The following ANLN variants were observed in gnomAD, a reference collection of about 807,000 sequenced individuals.
The protein encoded by ANLN is anillin, actin binding protein.
Under a neutral mutation model 135.1 loss-of-function variants are expected in ANLN, and 59 were observed. The ratio of observed to expected loss-of-function variants is 0.44; its 90% confidence interval spans 0.35 to 0.54. ANLN has a LOEUF of 0.54. ANLN is among the 20% of genes least tolerant of loss of function. The probability of loss-of-function intolerance (pLI) is 0.00; values close to 1 mark genes in which losing one functional copy is unlikely to be tolerated. For missense variants in ANLN, 1,182 were observed against 1,340.0 expected (o/e 0.88, Z 1.84); for synonymous variants, 406 against 456.4 (o/e 0.89, Z 1.41).
chr7:36,435,708 C>T (rs2116752596), intron 20 of ANLN, among the ~76,000 whole-genome samples: 1 of 150,946 alleles, frequency 6.6e-6, no homozygotes, highest in Admixed American at 6.6e-5. Flanking sequence ...CCCGTCTCTA[C>T]TAAAAATACA....
chr7:36,444,761 A>G (rs1412964131), intron 22 of ANLN, among the ~76,000 whole-genome samples: 2 of 152,060 alleles, frequency 1.3e-5, no homozygotes, highest in Non-Finnish European at 2.9e-5. Flanking sequence ...TGTATAATAT[A>G]TAATAATTAT....
At chr7:36,407,614 A>AT in intron 4 of ANLN, 120 bp from the exon 5 acceptor site, 1 of 775,672 alleles carries the variant, frequency 1.3e-6, no homozygotes, top group Non-Finnish European at 2.0e-6. Context: ...GAGCAAAATC[A>AT]TTTCATTTTC....
chr7:36,418,128 G>A (rs1445300886), intron 9 of ANLN, among the ~76,000 whole-genome samples: 1 of 152,206 alleles, frequency 6.6e-6, no homozygotes, highest in Non-Finnish European at 1.5e-5. Context: ...AAAGGGGCAT[G>A]GAGCTTCCAT....
In ANLN at chr7:36,424,347, T is replaced by C. The variant is rs140538272; in HGVS notation, c.2604-198T>C. Among the ~76,000 whole-genome samples the C allele has an allele frequency of 1.4e-3, 207 of 152,276 alleles. 1 individual carries two copies. The highest frequency in any genetic ancestry group is 4.7e-3 in the African/African-American group (195 of 41,572). On this transcript the variant is annotated intron_variant, in intron 15 of 23. Coordinates refer to ENST00000265748, the MANE Select transcript of ANLN (RefSeq NM_018685.5). ...AATTACTACTTTTATTATTGAAGAT[T>C]GTGAGTTGTAAAACACGGAGGAAAA...
rs539410488 is a variant in ANLN, at chr7:36,429,672, T to C, written c.2883+2644T>C. On this transcript the variant is annotated intron_variant, in intron 20 of 23. Transcript: ENST00000265748. ...TAGATAACCATAAGAATTGGGATTT[T>C]ACGAACTGTGTTTTTTACTCAGTAT... Among the ~76,000 whole-genome samples the C allele has an allele frequency of 2.1e-4, 32 of 152,350 alleles. No individual in the cohort carries two copies. In the South Asian group the frequency reaches 6.6e-3, roughly 32 times the overall value.
chr7:36,426,563 G>GT (rs1281032952), intron 19 of ANLN, among the ~76,000 whole-genome samples: 1 of 152,068 alleles, frequency 6.6e-6, no homozygotes, highest in Non-Finnish European at 1.5e-5. Context: ...GTGCAAGAGA[G>GT]TTACTAAGAG....
At chr7:36,427,059 G>GT (rs545624985) in intron 20 of ANLN, 31 bp downstream of exon 20, 6,867 of 1,306,938 alleles carry the variant, frequency 5.3e-3, no homozygotes, top group South Asian at 6.3e-3. Context: ...AGGGTGTGGT[G>GT]TTTTTTTTTT....
Position 36,421,892 on chromosome 7 carries a change from G to C in ANLN, c.2199G>C (p.Val733=), listed in dbSNP as rs1165950586. 1 of 1,613,102 alleles carries C rather than the reference G, an allele frequency of 6.2e-7. No homozygotes were observed. The highest frequency in any genetic ancestry group is 1.3e-5 in the African/African-American group (1 of 74,848). Residue 733 remains valine (V), a synonymous_variant, in exon 13 of 24, where the codon GTG becomes GTC. Transcript: ENST00000265748. ...LNNEINMQQT[V]IYQASQALNC... ...ACGAAATAAATATGCAACAGACAGTGATCTATCAAGCTAGCCAGGCTCTTA... is the reference window on the plus strand; with the variant it reads ...ACGAAATAAATATGCAACAGACAGTCATCTATCAAGCTAGCCAGGCTCTTA...
intron 8 of ANLN, among the ~76,000 whole-genome samples, chr7:36,416,278 C>CA (rs1024557765): frequency 2.6e-4 from 40 of 152,186 alleles, no homozygotes; most frequent in Admixed American, 4.6e-4. Flanking sequence ...CTTGGCCTCC[C>CA]AAAGTACTGG....
intron 5 of ANLN, 30 bp from the exon 6 acceptor site, chr7:36,410,484 A>G: frequency 6.5e-7 from 1 of 1,532,258 alleles, no homozygotes; most frequent in South Asian, 1.3e-5. Flanking sequence ...TATTTTGAAT[A>G]GCCTCCAAAA....
At chr7:36,446,127 A>G (rs941836680) in intron 22 of ANLN, among the ~76,000 whole-genome samples, 1 of 152,136 alleles carries the variant, frequency 6.6e-6, no homozygotes, top group Non-Finnish European at 1.5e-5. Context: ...TTATCTTTAT[A>G]GTGTCTTTTC....
chr7:36,409,353 T>C (rs1183609855), intron 5 of ANLN, among the ~76,000 whole-genome samples: 1 of 152,186 alleles, frequency 6.6e-6, no homozygotes, highest in East Asian at 1.9e-4. Context: ...TTCTGCCCTT[T>C]GCTTGTTTTT....
intron 7 of ANLN, among the ~76,000 whole-genome samples, chr7:36,413,993 CA>C (rs35961056): frequency 0.22 from 30,016 of 133,710 alleles, 3,264 homozygotes; most frequent in South Asian, 0.32. Context: ...GACTCCGTCT[CA>C]AAAAAAAAAA....
intron 9 of ANLN, among the ~76,000 whole-genome samples, chr7:36,418,086 T>C (rs766863274): frequency 9.9e-5 from 15 of 152,180 alleles, no homozygotes; most frequent in Non-Finnish European, 1.9e-4. Context: ...CGTTTACTGC[T>C]TTATTTTAAA....
intron 21 of ANLN, among the ~76,000 whole-genome samples, chr7:36,443,076 A>C (rs1263027834): frequency 1.3e-5 from 2 of 152,188 alleles, no homozygotes; most frequent in Non-Finnish European, 2.9e-5. Flanking sequence ...CCGTGGAACA[A>C]AACCAGATGT....
rs1332590049 is a variant in ANLN at position 36,420,865 on chromosome 7, T to C, written c.2163+121T>C. The C allele has an allele frequency of 4.5e-6, 4 of 897,174 alleles. No individual in the cohort carries two copies. The African/African-American group carries it at 6.7e-5, about 15-fold the overall frequency. The allele number at this position is 897,174 out of a possible 1,614,324, so 55.6% of individuals were successfully genotyped here. ...CCTGAGTGGCCAGAATAGTGTCTGA[T>C]GCATAGAAGCTCAGTAAATCACATT... On this transcript the variant is annotated intron_variant, in intron 12 of 23. Coordinates refer to ENST00000265748, the MANE Select transcript of ANLN (RefSeq NM_018685.5).
chr7:36,435,955 T>A (rs937264587), intron 20 of ANLN, among the ~76,000 whole-genome samples: 7 of 149,048 alleles, frequency 4.7e-5, no homozygotes, highest in African/African-American at 1.7e-4. Flanking sequence ...CAAAAAATAA[T>A]GTATTGAAAT....
chr7:36,413,195 AC>A (rs1787498475), intron 7 of ANLN, among the ~76,000 whole-genome samples: 1 of 152,058 alleles, frequency 6.6e-6, no homozygotes, highest in Admixed American at 6.5e-5. Context: ...GAAAAAAAAA[AC>A]AACTCTTGCA....
At chr7:36,452,075 A>C (rs111248285) in intron 23 of ANLN, among the ~76,000 whole-genome samples, 322 of 152,292 alleles carry the variant, frequency 2.1e-3, no homozygotes, top group African/African-American at 7.5e-3. Flanking sequence ...CTTTTGGAGA[A>C]CCTGACTCTG....
Sources: gnomAD v4.1 joint callset for allele counts (sites outside exome capture counted in the v4.1 genomes callset) on GRCh38, gnomAD v4.1.1 for gene constraint, MANE v1.5 for transcripts, NCBI Gene and HGNC (gene_info 2026-07-23, HGNC 2026-07-21) for gene names.